The following GPD2 variants were observed in gnomAD, a reference collection of about 807,000 sequenced individuals.
The protein encoded by GPD2 is glycerol-3-phosphate dehydrogenase 2.
In GPD2, 54 loss-of-function variants were observed where a neutral mutation model predicts 82.4. The observed-to-expected ratio is 0.66, with a 90% CI of 0.53 to 0.82. GPD2 has a LOEUF of 0.82. GPD2 is among the 40% of genes least tolerant of loss of function. The probability of loss-of-function intolerance (pLI) is 0.00; values close to 1 mark genes in which losing one functional copy is unlikely to be tolerated. For missense variants in GPD2, 748 were observed against 896.2 expected (o/e 0.83, Z 2.11); for synonymous variants, 288 against 306.1 (o/e 0.94, Z 0.62).
intron 3 of GPD2, among the ~76,000 whole-genome samples, chr2:156,497,106 G>A (rs1227513846): frequency 2.0e-5 from 3 of 152,274 alleles, no homozygotes; most frequent in African/African-American, 7.2e-5. Flanking sequence ...CGTGGAATTT[G>A]GAGTCAGGGA....
At chr2:156,523,324 T>G (rs1236524104) in intron 6 of GPD2, among the ~76,000 whole-genome samples, 5 of 152,206 alleles carry the variant, frequency 3.3e-5, no homozygotes, top group Admixed American at 2.6e-4. Flanking sequence ...CAGAATGACA[T>G]GTAGTTGGAA....
chr2:156,532,538 T>C (rs1208925312), intron 6 of GPD2, among the ~76,000 whole-genome samples: 1 of 152,194 alleles, frequency 6.6e-6, no homozygotes, highest in Non-Finnish European at 1.5e-5. Context: ...AACTTACCCT[T>C]GTAAATTCCC....
intron 1 of GPD2, among the ~76,000 whole-genome samples, chr2:156,459,802 A>G (rs1012781370): frequency 2.0e-5 from 3 of 151,830 alleles, no homozygotes; most frequent in African/African-American, 7.3e-5. Context: ...GGCTGAGACT[A>G]TCGTAGGGTA....
chr2:156,412,146 T>C, the GPD2 span, among the ~76,000 whole-genome samples: 5 of 152,070 alleles, frequency 3.3e-5, no homozygotes, highest in African/African-American at 9.7e-5. Flanking sequence ...CTTAGGAGTA[T>C]AGGATTTGGC....
chr2:156,540,525 A>T (rs1342558976), intron 6 of GPD2, among the ~76,000 whole-genome samples: 5 of 152,192 alleles, frequency 3.3e-5, no homozygotes, highest in Non-Finnish European at 5.9e-5. Flanking sequence ...ATGGAAACAT[A>T]CCCATTTACT....
At position 156,529,572 on chromosome 2, in the gene GPD2, T is replaced by G. The variant is rs1368818435; in HGVS notation, c.661+16076T>G. The stretch of plus-strand genomic sequence containing the variant: ...TCTTCTAGGGTTTTTATGGTTTTAA[T>G]TCTAACGTTTAAGTCTTTAATCCAT... On this transcript the variant is annotated intron_variant, in intron 6 of 16. Transcript: ENST00000438166. Among the ~76,000 whole-genome samples the G allele has an allele frequency of 5.9e-5, 9 of 151,580 alleles. 1 individual carries two copies. Among genetic ancestry groups the G allele is most frequent in the Non-Finnish European group, 1.3e-4 (9 of 67,690 alleles).
chr2:156,464,262 T>C lies in GPD2; in HGVS notation c.-8-11836T>C, dbSNP rs551381211. ...TTTCTCTCATCTGATTCTTATTTCC[T>C]TGTGAGTCAGACATTTTTAGGAAGT... On this transcript the variant is annotated intron_variant, in intron 1 of 16. Coordinates refer to ENST00000438166, the MANE Select transcript of GPD2 (RefSeq NM_000408.5). 8.5e-4 allele frequency among the ~76,000 whole-genome samples: 130 copies of C among 152,340 alleles called. 1 individual carries two copies. In the South Asian group the frequency reaches 0.026, roughly 31 times the overall value.
chr2:156,558,119 T>C (rs111322366), intron 9 of GPD2, among the ~76,000 whole-genome samples: 38 of 152,350 alleles, frequency 2.5e-4, no homozygotes, highest in Admixed American at 1.4e-3. Context: ...CTGGGGCATT[T>C]CAACTTGACT....
chr2:156,433,361 C>T (rs1403322555), upstream of GPD2, among the ~76,000 whole-genome samples: 1 of 152,088 alleles, frequency 6.6e-6, no homozygotes, highest in Non-Finnish European at 1.5e-5. Context: ...TTTTGCAGAC[C>T]CTGCACTTGA....
chr2:156,511,447 G>A (rs1684994503), intron 4 of GPD2, among the ~76,000 whole-genome samples: 1 of 152,074 alleles, frequency 6.6e-6, no homozygotes, highest in Non-Finnish European at 1.5e-5. Flanking sequence ...TTTCCCAGAG[G>A]GGTAAAAAAA....
At chr2:156,531,542 T>C (rs907211502) in intron 6 of GPD2, among the ~76,000 whole-genome samples, 1 of 152,246 alleles carries the variant, frequency 6.6e-6, no homozygotes, top group African/African-American at 2.4e-5. Flanking sequence ...CAGCTGTCTG[T>C]AGCAAAGCCG....
intron 1 of GPD2, among the ~76,000 whole-genome samples, chr2:156,471,435 C>T (rs925902676): frequency 1.1e-4 from 16 of 152,212 alleles, no homozygotes; most frequent in Non-Finnish European, 2.2e-4. Context: ...AACAGGATAT[C>T]ATAGAAATAT....
chr2:156,484,119 C>T (rs549126987), intron 2 of GPD2, among the ~76,000 whole-genome samples: 18 of 150,662 alleles, frequency 1.2e-4, no homozygotes, highest in Middle Eastern at 3.4e-3. Context: ...GGTTTGTAAG[C>T]AATCTTTCCA....
chr2:156,405,406 A>C, the GPD2 span, among the ~76,000 whole-genome samples: 1 of 152,192 alleles, frequency 6.6e-6, no homozygotes, highest in Non-Finnish European at 1.5e-5. Flanking sequence ...GGTGAAATGC[A>C]AAAATGTGGA....
At chr2:156,483,608 A>T (rs1420584690) in intron 2 of GPD2, among the ~76,000 whole-genome samples, 1 of 152,256 alleles carries the variant, frequency 6.6e-6, no homozygotes, top group Non-Finnish European at 1.5e-5. Flanking sequence ...AAACTGGTAG[A>T]GGGTAGAGAA....
At chr2:156,536,115 A>G (rs1421039804) in intron 6 of GPD2, among the ~76,000 whole-genome samples, 4 of 152,256 alleles carry the variant, frequency 2.6e-5, no homozygotes, top group South Asian at 2.1e-4. Flanking sequence ...CTCTAGACAC[A>G]TACTGAATTC....
At chr2:156,414,597 T>C in the GPD2 span, among the ~76,000 whole-genome samples, 1 of 152,244 alleles carries the variant, frequency 6.6e-6, no homozygotes, top group Non-Finnish European at 1.5e-5. Flanking sequence ...AGTTACTTTC[T>C]AGCTCTGTAA....
Position 156,496,685 on chromosome 2 carries a change from T to C in GPD2, c.274+470T>C, listed in dbSNP as rs1048632340. On this transcript the variant is annotated intron_variant, in intron 3 of 16. Coordinates refer to ENST00000438166, the MANE Select transcript of GPD2 (RefSeq NM_000408.5). The stretch of plus-strand genomic sequence containing the variant: ...AAAAGAAAACTATATTTTATGAGTT[T>C]ATATTTTATGAGTTTATTAATTTGT... 2.0e-5 allele frequency among the ~76,000 whole-genome samples: 3 copies of C among 152,032 alleles called. No homozygotes were observed. In the East Asian group the frequency reaches 5.8e-4, roughly 29 times the overall value.
At position 156,496,168 on chromosome 2, in the gene GPD2, G is replaced by T. The variant is rs1388532061; in HGVS notation, c.227G>T (p.Gly76Val). ...TCTGAATTTGATATCCTTGTTATTG[G>T]AGGAGGAGCAACAGGAAGTGGCTGT... ...NTSEFDILVI[G>V]GGATGSGCAL... The change falls in exon 3 of 17, where the codon GGA becomes GTA. Residue 76 changes from glycine (G) to valine (V), a missense_variant. Gly to Val is a moderately radical substitution (Grantham distance 109). Coordinates refer to ENST00000438166, the MANE Select transcript of GPD2 (RefSeq NM_000408.5). 6.2e-7 allele frequency: 1 copy of T among 1,612,602 alleles called. No individual in the cohort carries two copies. Among genetic ancestry groups the T allele is most frequent in the Non-Finnish European group, 8.5e-7 (1 of 1,178,714 alleles).
Sources: gnomAD v4.1 joint callset for allele counts (sites outside exome capture counted in the v4.1 genomes callset) on GRCh38, gnomAD v4.1.1 for gene constraint, MANE v1.5 for transcripts, NCBI Gene and HGNC (gene_info 2026-07-23, HGNC 2026-07-21) for gene names.